Variants in DDX54 observed in about 807,000 individuals in gnomAD.
The protein encoded by DDX54 is ATP-dependent RNA helicase DDX54.
In DDX54, 67 loss-of-function variants were observed where a neutral mutation model predicts 105.5. The ratio of observed to expected loss-of-function variants is 0.64; its 90% CI spans 0.52 to 0.78. DDX54 has a LOEUF of 0.78. Ranked by LOEUF, DDX54 falls within the 30% of genes least tolerant of loss-of-function variation. The pLI, the probability that DDX54 is intolerant of heterozygous loss-of-function variation, is 0.00. For synonymous variants in DDX54, 514 were observed against 509.9 expected (o/e 1.01, Z -0.11); for missense variants, 1,206 against 1,230.5 (o/e 0.98, Z 0.30).
intron 17 of DDX54, chr12:113,162,614 T>C (rs60351670): frequency 0.045 from 11,400 of 252,204 alleles, 687 homozygotes; most frequent in East Asian, 0.25. Flanking sequence ...CCTGGAGGGG[T>C]GGCTCACTCG....
rs911335344 is a variant in DDX54 at position 113,164,052 on chromosome 12, G to A, written c.1938+15C>T. 27 of 1,538,492 alleles carry A rather than the reference G, an allele frequency of 1.8e-5. No homozygotes were observed. Among genetic ancestry groups the A allele is most frequent in the Non-Finnish European group, 2.3e-5 (26 of 1,138,008 alleles). ...CCATACCCCAGGTCCAGGGTCCCCA[G>A]GGTGGAACCTGTACCTCCACACTCT... On this transcript the variant is annotated intron_variant, in intron 15 of 19. Transcript: ENST00000306014.
At position 113,158,711 on chromosome 12, in the gene DDX54, C is replaced by T; in HGVS notation, c.*166G>A. 1 of 746,650 alleles carries T rather than the reference C, an allele frequency of 1.3e-6. No individual in the cohort carries two copies. Among genetic ancestry groups the T allele is most frequent in the Non-Finnish European group, 2.1e-6 (1 of 474,748 alleles). The allele number at this position is 746,650 out of a possible 1,614,324, so 46.3% of individuals were successfully genotyped here. A position where few individuals can be genotyped will look rare whatever the true frequency, so the allele number is the denominator to read the frequency against. ...ATGTCTCTGTCTTAGGCTGACGCAG[C>T]TGCTGCCCTTCTGTGGCCATACAGT... On this transcript the variant is annotated 3_prime_UTR_variant, in exon 20 of 20. Coordinates refer to ENST00000306014, the MANE Select transcript of DDX54 (RefSeq NM_024072.4). This position sits in a 1 kb window ranked among gnomAD's most constrained non-coding sequence, Gnocchi z 4.9.
intron 1 of DDX54, among the ~76,000 whole-genome samples, chr12:113,184,359 G>A (rs1952501075): frequency 6.6e-6 from 1 of 152,176 alleles, no homozygotes; most frequent in South Asian, 2.1e-4. Flanking sequence ...TGGGTTTACA[G>A]GCGTGTAGCC....
chr12:113,184,449 G>A (rs955499469), intron 1 of DDX54, among the ~76,000 whole-genome samples: 4 of 152,188 alleles, frequency 2.6e-5, no homozygotes, highest in African/African-American at 4.8e-5. Context: ...GACAGTTGCT[G>A]GTGGTGTTAG....
Position 113,158,561 on chromosome 12 carries a change from C to T in DDX54, c.*316G>A, listed in dbSNP as rs1489426712. On this transcript the variant is annotated 3_prime_UTR_variant, in exon 20 of 20. Coordinates refer to ENST00000306014, the MANE Select transcript of DDX54 (RefSeq NM_024072.4). This position sits in a 1 kb window ranked among gnomAD's most constrained non-coding sequence, Gnocchi z 4.9. ...AACCCTGAGGCACTCAGGGCTCTGA[C>T]CGGTGCAGCCATGACCTCTGAACCC... 1 of 306,078 alleles carries T rather than the reference C, an allele frequency of 3.3e-6. No individual in the cohort carries two copies. Among genetic ancestry groups the T allele is most frequent in the Non-Finnish European group, 6.0e-6 (1 of 167,912 alleles). The allele number at this position is 306,078 out of a possible 1,614,324, so 19.0% of individuals were successfully genotyped here.
intron 19 of DDX54, among the ~76,000 whole-genome samples, chr12:113,160,448 G>A (rs878987333): frequency 1.3e-4 from 20 of 152,188 alleles, no homozygotes; most frequent in South Asian, 2.1e-4. Context: ...ATGGGTATTC[G>A]CAGTCACCTT....
At chr12:113,166,801 A>C (rs1952283122) in intron 12 of DDX54, among the ~76,000 whole-genome samples, 1 of 152,222 alleles carries the variant, frequency 6.6e-6, no homozygotes, top group African/African-American at 2.4e-5. Flanking sequence ...TTCTATAGAT[A>C]AGAAAACTGA....
At chr12:113,161,427 G>A (rs377077796) in intron 18 of DDX54, 45 bp from the exon 19 acceptor site, 171 of 1,503,866 alleles carry the variant, frequency 1.1e-4, no homozygotes, top group Admixed American at 3.3e-4. Flanking sequence ...CCTGGGATGG[G>A]AGAAGGCTCC....
In DDX54 at chr12:113,163,244, G is replaced by A. The variant is rs746859443; in HGVS notation, c.1969C>T (p.Arg657Trp). Residue 657 changes from arginine (R) to tryptophan (W), a missense_variant, in exon 16 of 20, where the codon CGG becomes TGG. Physicochemically the swap from Arg to Trp is moderately radical, Grantham distance 101. Coordinates refer to ENST00000306014, the MANE Select transcript of DDX54 (RefSeq NM_024072.4). This position sits in a 1 kb window ranked among gnomAD's most constrained non-coding sequence, Gnocchi z 5.9. ...CCCCTGTTGGGTCCTGACCGCTGCC[G>A]CTTCCGGCCCACGACCTCTGAGAAA... ...DIFSEVVGRKRQRSGPNRGAK... is the reference protein window; with the variant it reads ...DIFSEVVGRKWQRSGPNRGAK... The A allele has an allele frequency of 6.3e-5, 102 of 1,610,404 alleles. 1 individual carries two copies. The South Asian group carries it at 9.6e-4, about 15-fold the overall frequency.
intron 11 of DDX54, 75 bp from the exon 12 acceptor site, chr12:113,169,979 C>A (rs1593002745): frequency 4.4e-6 from 7 of 1,573,124 alleles, no homozygotes; most frequent in Non-Finnish European, 5.2e-6. Flanking sequence ...CAGGCCAGAC[C>A]CTGAGCAGGT....
chr12:113,165,819 C>T lies in DDX54; in HGVS notation c.1628G>A (p.Gly543Asp), dbSNP rs752366157. 1 of 1,606,140 alleles carries T rather than the reference C, an allele frequency of 6.2e-7. No homozygotes were observed. The highest frequency in any genetic ancestry group is 1.3e-5 in the African/African-American group (1 of 74,966). The change falls in exon 13 of 20, where the codon GGC becomes GAC. Residue 543 changes from glycine (G) to aspartate (D), a missense_variant. Coordinates refer to ENST00000306014, the MANE Select transcript of DDX54 (RefSeq NM_024072.4). The part of the protein sequence containing the change: ...RAKEMDLVGL[G>D]LHPLFSSRFE... ...GGACTCACTGAAGAGGGGGTGCAGG[C>T]CCAGCCCCACAAGGTCCATCTCCTT...
chr12:113,175,249 T>C, intron 7 of DDX54, 92 bp from the exon 8 acceptor site: 1 of 1,483,080 alleles, frequency 6.7e-7, no homozygotes, highest in South Asian at 1.3e-5. Flanking sequence ...ACTTCTGCAG[T>C]GTCCCAGGGC....
chr12:113,179,070 A>C (rs1030766830), intron 4 of DDX54, 44 bp from the exon 5 acceptor site: 2 of 1,613,706 alleles, frequency 1.2e-6, no homozygotes, highest in South Asian at 2.2e-5. Context: ...GTGAGATGAC[A>C]GCACACTCGT....
In DDX54 at chr12:113,164,250, C is replaced by G. The variant is rs778341954; in HGVS notation, c.1755G>C (p.Leu585=). The stretch of plus-strand genomic sequence containing the variant: ...GCTTGGCGCGCATCACCTGGCTGCA[C>G]AGGTCTCGGCTGGAGGCGTTGATCT... ...IFEINASSRD[L]CSQVMRAKRQ... is the part of the protein sequence containing the mutation. The change falls in exon 15 of 20, where the codon CTG becomes CTC. Residue 585 remains leucine (L), a synonymous_variant. Coordinates refer to ENST00000306014, the MANE Select transcript of DDX54 (RefSeq NM_024072.4). The G allele has an allele frequency of 1.3e-6, 2 of 1,596,908 alleles. No individual in the cohort carries two copies. Among genetic ancestry groups the G allele is most frequent in the Non-Finnish European group, 1.7e-6 (2 of 1,172,890 alleles).
At chr12:113,177,841 CA>C (rs1952421884) in intron 5 of DDX54, among the ~76,000 whole-genome samples, 1 of 152,210 alleles carries the variant, frequency 6.6e-6, no homozygotes. Flanking sequence ...ACAGACGTGG[CA>C]CCTACTACCT....
chr12:113,161,458 A>G, intron 18 of DDX54, 76 bp from the exon 19 acceptor site: 1 of 1,206,714 alleles, frequency 8.3e-7, no homozygotes, highest in Non-Finnish European at 1.2e-6. Flanking sequence ...GCCCCAGCAG[A>G]CAGAGTTCCG....
Position 113,179,347 on chromosome 12 carries a change from CAGGGAAGTCA to C in DDX54, c.376-26_376-17del. On this transcript the variant is annotated splice_polypyrimidine_tract_variant and intron_variant, in intron 3 of 19. Coordinates refer to ENST00000306014, the MANE Select transcript of DDX54 (RefSeq NM_024072.4). ...CCGGGATGGTCTGGAGAGGCACAAG[CAGGGAAGTCA>C]AGGTCAGCTCCTCCCCAAACACCAT... The C allele has an allele frequency of 1.2e-6, 2 of 1,609,958 alleles. No homozygotes were observed. The highest frequency in any genetic ancestry group is 1.7e-6 in the Non-Finnish European group (2 of 1,179,610).
rs537791558 is a variant in DDX54, at chr12:113,159,718, C to G, written c.2414-609G>C. 2.6e-5 allele frequency among the ~76,000 whole-genome samples: 4 copies of G among 152,260 alleles called. No individual in the cohort carries two copies. In the East Asian group the frequency reaches 7.7e-4, roughly 29 times the overall value. ...AGGCCAGAGAGGGAGAGGGACTTAT[C>G]TGAGATCACACAGCAAAGCAGCAGC... On this transcript the variant is annotated intron_variant, in intron 19 of 19. Transcript: ENST00000306014.
intron 1 of DDX54, 98 bp from the exon 2 acceptor site, chr12:113,181,156 A>G: frequency 7.1e-7 from 1 of 1,408,896 alleles, no homozygotes; most frequent in East Asian, 2.6e-5. Flanking sequence ...TCCCCCATTC[A>G]AGCCAATGAT....
Sources: allele counts gnomAD v4.1 joint callset (sites outside exome capture counted in the v4.1 genomes callset), GRCh38; gene constraint gnomAD v4.1.1; non-coding constraint Gnocchi (gnomAD v3.1); transcripts MANE v1.5; gene names NCBI Gene and HGNC (gene_info 2026-07-23, HGNC 2026-07-21).